The following LDAH variants were observed in gnomAD, a reference collection of about 807,000 sequenced individuals.
The protein encoded by LDAH is lipid droplet-associated hydrolase.
A neutral mutation model predicts 29.6 loss-of-function variants in LDAH; 26 were observed. The observed-to-expected ratio is 0.88, with a 90% CI of 0.64 to 1.22. The LOEUF is 1.22. Ranked by LOEUF, LDAH falls within the 50% of genes most tolerant of loss-of-function variation. The pLI, the probability that LDAH is intolerant of heterozygous loss-of-function variation, is 0.00. For synonymous variants in LDAH, 117 were observed against 133.0 expected (o/e 0.88, Z 0.83); for missense variants, 344 against 387.3 (o/e 0.89, Z 0.94).
At chr2:20,704,168 T>C (rs1285540149) in intron 5 of LDAH, among the ~76,000 whole-genome samples, 2 of 152,226 alleles carry the variant, frequency 1.3e-5, no homozygotes. Context: ...GATGCTCCCT[T>C]AAATATAGCC....
intron 5 of LDAH, among the ~76,000 whole-genome samples, chr2:20,737,987 C>T (rs559898986): frequency 9.9e-4 from 151 of 152,060 alleles, no homozygotes; most frequent in African/African-American, 3.5e-3. Context: ...GACATGGTGG[C>T]GCATGCCTGT....
intron 3 of LDAH, among the ~76,000 whole-genome samples, chr2:20,779,779 A>T (rs754647891): frequency 1.2e-4 from 19 of 152,214 alleles, no homozygotes; most frequent in Non-Finnish European, 1.9e-4. Context: ...CTACGTTTTT[A>T]AAAATTTCTC....
At chr2:20,687,416 A>G (rs1662645914) in intron 6 of LDAH, among the ~76,000 whole-genome samples, 1 of 152,254 alleles carries the variant, frequency 6.6e-6, no homozygotes, top group Admixed American at 6.5e-5. Context: ...GCCGGTGAGG[A>G]TGACGAAGAC....
At chr2:20,815,232 T>C (rs1419834911) in intron 1 of LDAH, among the ~76,000 whole-genome samples, 2 of 152,008 alleles carry the variant, frequency 1.3e-5, no homozygotes. Flanking sequence ...ATCAACAGAA[T>C]TTACTTAGTC....
chr2:20,777,249 T>C (rs1669881325), intron 3 of LDAH, among the ~76,000 whole-genome samples: 1 of 152,164 alleles, frequency 6.6e-6, no homozygotes, highest in South Asian at 2.1e-4. Context: ...TTAAAGGACA[T>C]TATAAATCAG....
chr2:20,762,433 C>T (rs929643316), intron 4 of LDAH, among the ~76,000 whole-genome samples: 5 of 152,180 alleles, frequency 3.3e-5, no homozygotes, highest in Admixed American at 1.3e-4. Context: ...CTACTATAAG[C>T]CACCTGGTAT....
At chr2:20,745,573 A>G (rs1667510029) in intron 4 of LDAH, among the ~76,000 whole-genome samples, 1 of 152,238 alleles carries the variant, frequency 6.6e-6, no homozygotes, top group Non-Finnish European at 1.5e-5. Context: ...TAAGTTACTT[A>G]GCTTGATTTA....
intron 5 of LDAH, among the ~76,000 whole-genome samples, chr2:20,713,469 C>T (rs1356152544): frequency 1.3e-5 from 2 of 152,168 alleles, no homozygotes; most frequent in African/African-American, 4.8e-5. Flanking sequence ...TATGAAGAAA[C>T]TGCATCAAGT....
At chr2:20,720,571 A>C (rs1665576144) in intron 5 of LDAH, among the ~76,000 whole-genome samples, 1 of 152,180 alleles carries the variant, frequency 6.6e-6, no homozygotes, top group African/African-American at 2.4e-5. Flanking sequence ...ATTCAATGCA[A>C]TCTCTCTCAA....
At chr2:20,806,799 G>A (rs374683787) in intron 1 of LDAH, among the ~76,000 whole-genome samples, 10 of 151,586 alleles carry the variant, frequency 6.6e-5, no homozygotes, top group African/African-American at 2.2e-4. Context: ...TACGAATGCA[G>A]GAAAATTCAA....
intron 5 of LDAH, among the ~76,000 whole-genome samples, chr2:20,720,434 A>C (rs941086191): frequency 6.6e-6 from 1 of 152,108 alleles, no homozygotes; most frequent in African/African-American, 2.4e-5. Context: ...TTTCTTTATA[A>C]GGAAAACTAT....
At chr2:20,750,558 G>T (rs1381322609) in intron 4 of LDAH, among the ~76,000 whole-genome samples, 1 of 152,198 alleles carries the variant, frequency 6.6e-6, no homozygotes, top group Non-Finnish European at 1.5e-5. Context: ...CTAGACAGTT[G>T]TTCAGTAAGT....
At chr2:20,761,139 A>G (rs115725929) in intron 4 of LDAH, among the ~76,000 whole-genome samples, 2,025 of 152,274 alleles carry the variant, frequency 0.013, 44 homozygotes, top group African/African-American at 0.046. Flanking sequence ...ATTCTCTTTC[A>G]CTGTCGAACA....
intron 4 of LDAH, among the ~76,000 whole-genome samples, chr2:20,754,935 A>T (rs561423120): frequency 2.0e-5 from 3 of 152,196 alleles, no homozygotes; most frequent in Non-Finnish European, 4.4e-5. Flanking sequence ...GCCAAATGAC[A>T]AAATGGGAAT....
intron 5 of LDAH, among the ~76,000 whole-genome samples, chr2:20,722,218 G>A (rs533350202): frequency 9.4e-4 from 142 of 151,852 alleles, no homozygotes; most frequent in Non-Finnish European, 1.4e-3. Flanking sequence ...TACTAAAAAT[G>A]CAAAAATTAG....
intron 4 of LDAH, among the ~76,000 whole-genome samples, chr2:20,765,264 CA>C (rs1668950407): frequency 6.6e-6 from 1 of 152,128 alleles, no homozygotes; most frequent in African/African-American, 2.4e-5. Flanking sequence ...CCCCTACTTA[CA>C]GGAAAAAAAG....
At chr2:20,759,655 T>G (rs940522138) in intron 4 of LDAH, among the ~76,000 whole-genome samples, 11 of 152,184 alleles carry the variant, frequency 7.2e-5, no homozygotes, top group African/African-American at 9.6e-5. Context: ...AGCTTCTATC[T>G]GAACTAAACA....
intron 4 of LDAH, among the ~76,000 whole-genome samples, chr2:20,772,726 C>T (rs1004023684): frequency 1.3e-5 from 2 of 152,178 alleles, no homozygotes; most frequent in African/African-American, 4.8e-5. Flanking sequence ...CTTGACTCTT[C>T]TTCCAGGTGT....
At chr2:20,695,160 T>C (rs571191948) in intron 6 of LDAH, among the ~76,000 whole-genome samples, 1 of 152,348 alleles carries the variant, frequency 6.6e-6, no homozygotes, top group South Asian at 2.1e-4. Flanking sequence ...TCAAGTACTA[T>C]TGTGTTTTCC....
Sources: allele counts gnomAD v4.1 joint callset (sites outside exome capture counted in the v4.1 genomes callset), GRCh38; gene constraint gnomAD v4.1.1; transcripts MANE v1.5; gene names NCBI Gene and HGNC (gene_info 2026-07-23, HGNC 2026-07-21).